The following PPARGC1A variants were observed in gnomAD, a reference collection of about 807,000 sequenced individuals.
PPARGC1A encodes peroxisome proliferator-activated receptor gamma coactivator 1-alpha.
PPARGC1A carries 25 observed loss-of-function variants against 88.7 expected under a neutral mutation model. The ratio of observed to expected loss-of-function variants is 0.28; its 90% CI spans 0.21 to 0.39. The LOEUF is 0.39. Among genes scored for constraint, PPARGC1A ranks in the 10% least tolerant of loss-of-function variants. The probability of loss-of-function intolerance (pLI) is 1.00; values close to 1 mark genes in which losing one functional copy is unlikely to be tolerated. For synonymous variants in PPARGC1A, 363 were observed against 355.6 expected (o/e 1.02, Z -0.24); for missense variants, 880 against 968.7 (o/e 0.91, Z 1.22).
At chr4:24,071,190 T>G in the PPARGC1A span, among the ~76,000 whole-genome samples, 1 of 152,102 alleles carries the variant, frequency 6.6e-6, no homozygotes, top group African/African-American at 2.4e-5. Flanking sequence ...CACCTCAGTA[T>G]GATATACAGA....
the PPARGC1A span, among the ~76,000 whole-genome samples, chr4:23,954,894 G>A: frequency 1.3e-5 from 2 of 152,084 alleles, no homozygotes; most frequent in South Asian, 2.1e-4. Flanking sequence ...TCACAACCAG[G>A]AAATAGCAAC....
chr4:24,462,116 C>T, the PPARGC1A span, among the ~76,000 whole-genome samples: 55 of 152,168 alleles, frequency 3.6e-4, 1 homozygote, highest in South Asian at 0.011. Context: ...GATGGAGTCT[C>T]GCTCCAACGC....
intron 2 of PPARGC1A, chr4:23,875,885 T>C (rs147853559): frequency 1.3e-5 from 2 of 152,340 alleles, no homozygotes; most frequent in African/African-American, 4.8e-5. Context: ...AGCTATTTAG[T>C]TCACGTTCAT....
chr4:24,402,226 A>G, the PPARGC1A span, among the ~76,000 whole-genome samples: 6 of 152,070 alleles, frequency 3.9e-5, no homozygotes, highest in Admixed American at 1.3e-4. Flanking sequence ...ACGTGGACCA[A>G]TGGTTGAGCG....
At chr4:24,312,679 TTC>T in the PPARGC1A span, among the ~76,000 whole-genome samples, 2 of 151,572 alleles carry the variant, frequency 1.3e-5, no homozygotes, top group Admixed American at 1.3e-4. Flanking sequence ...CACTGTCATG[TTC>T]TCTCTCTCTA....
At chr4:24,296,133 TATAG>T in the PPARGC1A span, among the ~76,000 whole-genome samples, 2 of 150,834 alleles carry the variant, frequency 1.3e-5, no homozygotes, top group African/African-American at 2.4e-5. Flanking sequence ...TACACATGTA[TATAG>T]ATACACACAC....
At chr4:23,928,000 C>T in the PPARGC1A span, among the ~76,000 whole-genome samples, 1 of 152,116 alleles carries the variant, frequency 6.6e-6, no homozygotes, top group Non-Finnish European at 1.5e-5. Flanking sequence ...GCAGGAGCCA[C>T]ACTGACAGAG....
the PPARGC1A span, among the ~76,000 whole-genome samples, chr4:24,217,104 G>A: frequency 1.3e-5 from 2 of 152,188 alleles, no homozygotes; most frequent in Admixed American, 6.5e-5. Context: ...GAGGCAAGGA[G>A]AAGCATAAAA....
At chr4:24,111,694 A>C in the PPARGC1A span, among the ~76,000 whole-genome samples, 5 of 152,330 alleles carry the variant, frequency 3.3e-5, no homozygotes, top group African/African-American at 1.2e-4. Flanking sequence ...TGTAAATTGC[A>C]CTGCCCTAAA....
the PPARGC1A span, among the ~76,000 whole-genome samples, chr4:24,274,727 G>A: frequency 2.6e-5 from 4 of 152,130 alleles, no homozygotes; most frequent in Non-Finnish European, 4.4e-5. Flanking sequence ...GGAGATGAAA[G>A]AGACCACCAA....
chr4:24,414,012 C>G, the PPARGC1A span, among the ~76,000 whole-genome samples: 19 of 152,210 alleles, frequency 1.2e-4, no homozygotes, highest in African/African-American at 4.6e-4. Context: ...GAGACTCGAA[C>G]CCACGGTTGT....
At chr4:23,921,142 C>T in the PPARGC1A span, among the ~76,000 whole-genome samples, 4 of 152,112 alleles carry the variant, frequency 2.6e-5, no homozygotes, top group Admixed American at 6.5e-5. Flanking sequence ...CTCCCACACT[C>T]ACCCCGTTCT....
chr4:23,939,773 C>T, the PPARGC1A span, among the ~76,000 whole-genome samples: 13 of 152,160 alleles, frequency 8.5e-5, no homozygotes, highest in Admixed American at 8.5e-4. Flanking sequence ...ACTCTCACAA[C>T]TCAAGAAGAA....
the PPARGC1A span, among the ~76,000 whole-genome samples, chr4:23,988,687 T>C: frequency 6.6e-6 from 1 of 151,552 alleles, no homozygotes; most frequent in African/African-American, 2.4e-5. Flanking sequence ...ATACAACACA[T>C]AAAAAGTTTT....
the PPARGC1A span, among the ~76,000 whole-genome samples, chr4:24,378,852 T>G: frequency 6.6e-6 from 1 of 152,214 alleles, no homozygotes; most frequent in South Asian, 2.1e-4. Flanking sequence ...TCTATATGAC[T>G]AATCTATAGC....
chr4:23,932,133 A>T, the PPARGC1A span, among the ~76,000 whole-genome samples: 2 of 152,362 alleles, frequency 1.3e-5, no homozygotes, highest in South Asian at 4.1e-4. Context: ...GGAAATAGCA[A>T]GATGTACAAG....
At chr4:24,206,387 T>C in the PPARGC1A span, among the ~76,000 whole-genome samples, 1 of 152,202 alleles carries the variant, frequency 6.6e-6, no homozygotes, top group Non-Finnish European at 1.5e-5. Flanking sequence ...AATGAAAATA[T>C]GAAGCTGCTA....
At chr4:24,086,554 T>A in the PPARGC1A span, among the ~76,000 whole-genome samples, 1 of 152,232 alleles carries the variant, frequency 6.6e-6, no homozygotes, top group African/African-American at 2.4e-5. Context: ...CTACCTACAG[T>A]GCTCCCATGA....
upstream of PPARGC1A, among the ~76,000 whole-genome samples, chr4:23,900,578 A>C (rs1719216394): frequency 6.6e-6 from 1 of 152,230 alleles, no homozygotes; most frequent in South Asian, 2.1e-4. Context: ...CTTAAAACTC[A>C]ATGTAAAATC....
Sources: allele counts gnomAD v4.1 joint callset (sites outside exome capture counted in the v4.1 genomes callset), GRCh38; gene constraint gnomAD v4.1.1; transcripts MANE v1.5; gene names NCBI Gene and HGNC (gene_info 2026-07-23, HGNC 2026-07-21).